MACROD2: variants seen among roughly 807,000 people sequenced by gnomAD.
MACROD2 encodes the protein ADP-ribose glycohydrolase MACROD2.
In MACROD2, 36 loss-of-function variants were observed where a neutral mutation model predicts 70.4. That is an observed-to-expected ratio of 0.51 (90% CI 0.39 to 0.68). MACROD2 has a LOEUF of 0.68. Ranked by LOEUF, MACROD2 falls within the 30% of genes least tolerant of loss-of-function variation. The pLI is 0.00. For synonymous variants in MACROD2, 172 were observed against 178.8 expected (o/e 0.96, Z 0.30); for missense variants, 496 against 538.4 (o/e 0.92, Z 0.78).
intron 3 of MACROD2, among the ~76,000 whole-genome samples, chr20:14,155,238 T>C (rs1239641582): frequency 1.3e-5 from 2 of 152,206 alleles, no homozygotes; most frequent in African/African-American, 4.8e-5. Flanking sequence ...AAGTGAAATA[T>C]ATAAATGTAT....
At chr20:15,779,997 G>A (rs897228017) in intron 8 of MACROD2, among the ~76,000 whole-genome samples, 3 of 151,990 alleles carry the variant, frequency 2.0e-5, no homozygotes, top group Admixed American at 6.6e-5. Context: ...ATTTAGCTTA[G>A]AGGAGTTGCT....
intron 8 of MACROD2, among the ~76,000 whole-genome samples, chr20:15,585,115 A>G (rs1477586326): frequency 6.6e-6 from 1 of 150,604 alleles, no homozygotes; most frequent in Non-Finnish European, 1.5e-5. Context: ...TGGTCCCCCT[A>G]CCCCCTTTGA....
At chr20:14,248,061 A>G (rs1200947678) in intron 3 of MACROD2, among the ~76,000 whole-genome samples, 1 of 151,772 alleles carries the variant, frequency 6.6e-6, no homozygotes, top group Non-Finnish European at 1.5e-5. Context: ...CACTTAACAC[A>G]TTACTTTTTC....
At chr20:14,697,373 A>G (rs1370873569) in intron 5 of MACROD2, among the ~76,000 whole-genome samples, 2 of 152,240 alleles carry the variant, frequency 1.3e-5, no homozygotes, top group African/African-American at 2.4e-5. Flanking sequence ...AGAATATTCC[A>G]TAGTTAGAAT....
intron 3 of MACROD2, among the ~76,000 whole-genome samples, chr20:14,256,219 T>C (rs2082055288): frequency 6.6e-6 from 1 of 152,142 alleles, no homozygotes; most frequent in Non-Finnish European, 1.5e-5. Flanking sequence ...TTATTTTCAC[T>C]TATACTTTTT....
intron 8 of MACROD2, among the ~76,000 whole-genome samples, chr20:15,746,562 TAAAAAAAAAA>T (rs536288457): frequency 1.9e-5 from 2 of 107,108 alleles, no homozygotes; most frequent in Non-Finnish European, 3.9e-5. Context: ...TGGTTTCCAG[TAAAAAAAAAA>T]AAAAAAAAAA....
chr20:14,474,327 C>G (rs1173818711), intron 3 of MACROD2, among the ~76,000 whole-genome samples: 1 of 151,992 alleles, frequency 6.6e-6, no homozygotes, highest in African/African-American at 2.4e-5. Context: ...TTCATTGTGG[C>G]CAGAAATGTT....
At chr20:14,011,399 C>A (rs1199500645) in intron 2 of MACROD2, among the ~76,000 whole-genome samples, 4 of 152,162 alleles carry the variant, frequency 2.6e-5, no homozygotes, top group Non-Finnish European at 4.4e-5. Flanking sequence ...CCTGTCCCTT[C>A]CTGTTTTAAA....
At chr20:15,869,228 T>TAG (rs1336136214) in intron 9 of MACROD2, among the ~76,000 whole-genome samples, 35 of 43,950 alleles carry the variant, frequency 8.0e-4, no homozygotes, top group African/African-American at 1.7e-3. Context: ...TATATATATA[T>TAG]ATATATATAT....
intron 4 of MACROD2, among the ~76,000 whole-genome samples, chr20:14,657,620 G>A (rs761402549): frequency 1.3e-5 from 2 of 152,222 alleles, no homozygotes; most frequent in Non-Finnish European, 2.9e-5. Context: ...AAGGGTAATA[G>A]TATACGTCTT....
At chr20:15,713,705 A>C (rs1432759101) in intron 8 of MACROD2, among the ~76,000 whole-genome samples, 1 of 152,138 alleles carries the variant, frequency 6.6e-6, no homozygotes, top group Non-Finnish European at 1.5e-5. Context: ...TTGGGAATTA[A>C]AATTCAGCAT....
intron 8 of MACROD2, among the ~76,000 whole-genome samples, chr20:15,675,325 A>G (rs2050041690): frequency 2.6e-5 from 4 of 152,208 alleles, no homozygotes; most frequent in Non-Finnish European, 5.9e-5. Flanking sequence ...GCTGCGCATC[A>G]TAAATATGTA....
chr20:14,826,234 A>C (rs2122222096), intron 5 of MACROD2, among the ~76,000 whole-genome samples: 1 of 152,146 alleles, frequency 6.6e-6, no homozygotes, highest in African/African-American at 2.4e-5. Flanking sequence ...AAAAAAAAAA[A>C]ATGAAACACA....
At chr20:14,323,961 T>C (rs1190818384) in intron 3 of MACROD2, 1 of 152,154 alleles carries the variant, frequency 6.6e-6, no homozygotes, top group Non-Finnish European at 1.5e-5. Context: ...AACACTGAAC[T>C]CTTTGAAGTA....
chr20:14,998,330 A>G (rs2074967171), intron 5 of MACROD2, among the ~76,000 whole-genome samples: 1 of 152,192 alleles, frequency 6.6e-6, no homozygotes, highest in African/African-American at 2.4e-5. Flanking sequence ...CAGATGGAGA[A>G]TTCAAAATAG....
chr20:14,493,824 A>G (rs940319406), intron 4 of MACROD2: 1 of 169,596 alleles, frequency 5.9e-6, no homozygotes, highest in African/African-American at 2.4e-5. Flanking sequence ...GTAACTATGT[A>G]CATATTACAG....
chr20:14,285,228 A>C (rs2082334513), intron 3 of MACROD2, among the ~76,000 whole-genome samples: 1 of 152,212 alleles, frequency 6.6e-6, no homozygotes, highest in Non-Finnish European at 1.5e-5. Context: ...CTTGGGGATG[A>C]GACCCAAGTC....
intron 12 of MACROD2, among the ~76,000 whole-genome samples, chr20:15,937,864 A>G (rs909970576): frequency 6.6e-6 from 1 of 152,114 alleles, no homozygotes; most frequent in Non-Finnish European, 1.5e-5. Flanking sequence ...AAACACCAGA[A>G]TTAATCAGTT....
intron 8 of MACROD2, among the ~76,000 whole-genome samples, chr20:15,846,863 A>G (rs2064236289): frequency 7.1e-6 from 1 of 140,820 alleles, no homozygotes; most frequent in African/African-American, 2.6e-5. Flanking sequence ...AACTCCTTAA[A>G]AACAAGGGCT....
Sources: gnomAD v4.1 joint callset for allele counts (sites outside exome capture counted in the v4.1 genomes callset) on GRCh38, gnomAD v4.1.1 for gene constraint, MANE v1.5 for transcripts, NCBI Gene and HGNC (gene_info 2026-07-23, HGNC 2026-07-21) for gene names.